The following SANBR variants were observed in gnomAD, a reference collection of about 807,000 sequenced individuals.
SANBR encodes SANT and BTB domain regulator of class switch recombination.
In SANBR, 77 loss-of-function variants were observed where a neutral mutation model predicts 101.8. The observed-to-expected ratio is 0.76, with a 90% CI of 0.63 to 0.91. SANBR has a LOEUF of 0.91. Ranked by LOEUF, SANBR falls within the 40% of genes least tolerant of loss-of-function variation. SANBR has a pLI of 0.00. For missense variants in SANBR, 875 were observed against 853.0 expected, an observed-to-expected ratio of 1.03 and a Z score of -0.32; for synonymous variants, 279 against 274.7, an observed-to-expected ratio of 1.02 and a Z score of -0.15.
At position 61,122,703 on chromosome 2, in the gene SANBR, G is replaced by C; in HGVS notation, c.*541G>C. The C allele has an allele frequency of 7.1e-6, 7 of 985,726 alleles. No homozygotes were observed. Among genetic ancestry groups the C allele is most frequent in the Non-Finnish European group, 7.2e-6 (6 of 830,088 alleles). The allele number at this position is 985,726 out of a possible 1,614,324, so 61.1% of individuals were successfully genotyped here. A position where few individuals can be genotyped will look rare whatever the true frequency, so the allele number is the denominator to read the frequency against. On this transcript the variant is annotated 3_prime_UTR_variant, in exon 22 of 22. Transcript: ENST00000402291. ...GCATTAAATGAAGTTTCAGGGTAAG[G>C]TATTTCAGTACTGTGTTGGGCAGAA... is the stretch of plus-strand genomic sequence containing the variant.
chr2:61,117,760 T>C (rs77001332), intron 19 of SANBR, among the ~76,000 whole-genome samples: 1,574 of 152,322 alleles, frequency 0.01, 32 homozygotes, highest in African/African-American at 0.036. Flanking sequence ...ATCATTCACA[T>C]TGACCTTTGC....
At chr2:61,070,610 A>G (rs1420147641) in intron 3 of SANBR, 110 bp downstream of exon 3, 3 of 875,140 alleles carry the variant, frequency 3.4e-6, no homozygotes, top group East Asian at 2.8e-5. Flanking sequence ...ATTCAAATGC[A>G]TGTATTAACA....
At chr2:61,073,649 C>T (rs909211901) in intron 5 of SANBR, 98 bp downstream of exon 5, 4 of 619,682 alleles carry the variant, frequency 6.5e-6, no homozygotes, top group Non-Finnish European at 8.1e-6. Flanking sequence ...TTTCATATTG[C>T]ATAATTGCTG....
Position 61,124,162 on chromosome 2 carries a change from A to G in SANBR, c.*2000A>G, listed in dbSNP as rs1684444732. The G allele has an allele frequency of 2.0e-6, 2 of 982,232 alleles. No homozygotes were observed. The highest frequency in any genetic ancestry group is 4.7e-5 in the South Asian group (1 of 21,222). The allele number at this position is 982,232 out of a possible 1,614,324, so 60.8% of individuals were successfully genotyped here. On this transcript the variant is annotated 3_prime_UTR_variant, in exon 22 of 22. Transcript: ENST00000402291. ...TTTGTCTGTTATACATAGCACTGGT[A>G]CCGCAAACATTTTACTTAAACTCTT... is the stretch of plus-strand genomic sequence containing the variant.
In SANBR at chr2:61,122,689, A is replaced by G. The variant is rs548612330; in HGVS notation, c.*527A>G. 9.1e-6 allele frequency: 9 copies of G among 985,746 alleles called. No homozygotes were observed. The highest frequency in any genetic ancestry group is 1.7e-5 in the African/African-American group (1 of 57,246). 61.1% of individuals were successfully genotyped at this position (985,746 alleles called of 1,614,324 possible). A position where few individuals can be genotyped will look rare whatever the true frequency, so the allele number is the denominator to read the frequency against. The stretch of plus-strand genomic sequence containing the variant: ...CAGGTCTCAAGACTGCATTAAATGA[A>G]GTTTCAGGGTAAGGTATTTCAGTAC... On this transcript the variant is annotated 3_prime_UTR_variant, in exon 22 of 22. Transcript: ENST00000402291.
chr2:61,125,793 G>T (rs561248539), downstream of SANBR, among the ~76,000 whole-genome samples: 1 of 151,864 alleles, frequency 6.6e-6, no homozygotes, highest in Admixed American at 6.6e-5. Flanking sequence ...CACAACGCCC[G>T]CCCCCGCCAC....
intron 12 of SANBR, 104 bp downstream of exon 12, chr2:61,097,956 C>A (rs73932682): frequency 1.1e-6 from 1 of 906,512 alleles, no homozygotes; most frequent in Non-Finnish European, 1.6e-6. Context: ...AGTAAGAAGC[C>A]GTTCCTCTTT....
chr2:61,086,616 T>C (rs893543314), intron 8 of SANBR, among the ~76,000 whole-genome samples: 7 of 152,078 alleles, frequency 4.6e-5, no homozygotes, highest in African/African-American at 1.4e-4. Context: ...TGCCATCACA[T>C]AGAGTAAGAT....
intron 13 of SANBR, among the ~76,000 whole-genome samples, chr2:61,104,343 G>A (rs575405551): frequency 7.6e-4 from 115 of 152,122 alleles, no homozygotes; most frequent in Middle Eastern, 3.4e-3. Flanking sequence ...TTAGCCGGGC[G>A]TGGTGGTGGG....
intron 12 of SANBR, among the ~76,000 whole-genome samples, chr2:61,103,501 G>C (rs1376980208): frequency 1.3e-5 from 2 of 152,152 alleles, no homozygotes; most frequent in Non-Finnish European, 2.9e-5. Flanking sequence ...GCATCCTTAA[G>C]TGGCAGAGGG....
intron 11 of SANBR, 95 bp from the exon 12 acceptor site, chr2:61,097,605 T>C: frequency 2.0e-6 from 2 of 978,214 alleles, no homozygotes; most frequent in Non-Finnish European, 3.0e-6. Flanking sequence ...ATATTTCATA[T>C]AAAAATGGAA....
At position 61,104,045 on chromosome 2, in the gene SANBR, G is replaced by T. The variant is rs373543657; in HGVS notation, c.1511+47G>T. The stretch of plus-strand genomic sequence containing the variant: ...CACTGTATTATAGCTTTATTCAGCA[G>T]TTCCCATTTCAGAATCCCTTATCCC... On this transcript the variant is annotated intron_variant, in intron 13 of 21. Coordinates refer to ENST00000402291, the MANE Select transcript of SANBR (RefSeq NM_001129993.3). 1.3e-5 allele frequency: 21 copies of T among 1,556,546 alleles called. No homozygotes were observed. The South Asian group carries it at 2.3e-4, about 17-fold the overall frequency.
intron 8 of SANBR, among the ~76,000 whole-genome samples, chr2:61,085,308 T>G (rs1459390786): frequency 6.6e-6 from 1 of 152,184 alleles, no homozygotes; most frequent in Non-Finnish European, 1.5e-5. Context: ...TAATTTTTTT[T>G]TGTGGTATGA....
At chr2:61,096,815 A>G (rs1464154639) in intron 11 of SANBR, among the ~76,000 whole-genome samples, 1 of 152,214 alleles carries the variant, frequency 6.6e-6, no homozygotes, top group Admixed American at 6.5e-5. Flanking sequence ...ATTCAAAGTT[A>G]TGTCATAATT....
chr2:61,085,336 A>T lies in SANBR; in HGVS notation c.890+2022A>T, dbSNP rs541752878. ...TGGTATGAGGTAGGGGTCAAGGTTC[A>T]TTTTTTTTTCCCCAAATAGATATCT... On this transcript the variant is annotated intron_variant, in intron 8 of 21. Coordinates refer to ENST00000402291, the MANE Select transcript of SANBR (RefSeq NM_001129993.3). Among the ~76,000 whole-genome samples the T allele has an allele frequency of 7.3e-5, 11 of 150,652 alleles. No individual in the cohort carries two copies. The East Asian group carries it at 2.1e-3, about 29-fold the overall frequency.
At chr2:61,107,613 A>T (rs1683635380) in intron 14 of SANBR, among the ~76,000 whole-genome samples, 2 of 152,206 alleles carry the variant, frequency 1.3e-5, no homozygotes, top group South Asian at 4.1e-4. Context: ...CTATACAAAT[A>T]TTCAGTCATG....
intron 13 of SANBR, 149 bp from the exon 14 acceptor site, chr2:61,106,414 A>AG: frequency 2.3e-6 from 1 of 432,020 alleles, no homozygotes; most frequent in South Asian, 3.1e-5. Flanking sequence ...AAAAAAAAAA[A>AG]GGAAATGTCA....
intron 19 of SANBR, among the ~76,000 whole-genome samples, 173 bp from the exon 20 acceptor site, chr2:61,117,855 A>C (rs1000367793): frequency 2.0e-5 from 3 of 152,218 alleles, no homozygotes; most frequent in Non-Finnish European, 4.4e-5. Flanking sequence ...TCCACAGATG[A>C]GTCATCTGCC....
chr2:61,090,718 T>TTGTG (rs58195165), intron 10 of SANBR: 1,741 of 143,220 alleles, frequency 0.012, 24 homozygotes, highest in African/African-American at 0.035. Context: ...GGCACAGGGT[T>TTGTG]TGTGTGTGTG....
Sources: gnomAD v4.1 joint callset for allele counts (sites outside exome capture counted in the v4.1 genomes callset) on GRCh38, gnomAD v4.1.1 for gene constraint, MANE v1.5 for transcripts, NCBI Gene and HGNC (gene_info 2026-07-23, HGNC 2026-07-21) for gene names.